Variants in CNTNAP2 observed in about 807,000 individuals in gnomAD.
CNTNAP2 encodes the protein contactin associated protein 2.
Under a neutral mutation model 155.2 loss-of-function variants are expected in CNTNAP2, and 98 were observed. The observed-to-expected ratio is 0.63, with a 90% CI of 0.54 to 0.75. CNTNAP2 has a LOEUF of 0.75. Ranked by LOEUF, CNTNAP2 falls within the 30% of genes least tolerant of loss-of-function variation. CNTNAP2 has a pLI of 0.00. For missense variants in CNTNAP2, 1,727 were observed against 1,688.1 expected, an observed-to-expected ratio of 1.02 and a Z score of -0.40; for synonymous variants, 651 against 631.2, an observed-to-expected ratio of 1.03 and a Z score of -0.47.
intron 3 of CNTNAP2, among the ~76,000 whole-genome samples, chr7:146,929,714 C>G (rs1295380749): frequency 2.0e-5 from 3 of 152,082 alleles, no homozygotes; most frequent in African/African-American, 7.2e-5. Flanking sequence ...AAAAGTATAA[C>G]TAGAATAACC....
chr7:146,753,245 T>C (rs1801936453), intron 1 of CNTNAP2, among the ~76,000 whole-genome samples: 1 of 151,788 alleles, frequency 6.6e-6, no homozygotes, highest in Non-Finnish European at 1.5e-5. Context: ...ATTTATTTTT[T>C]TCAGTCAAAT....
At chr7:147,465,417 A>G (rs1798104019) in intron 10 of CNTNAP2, among the ~76,000 whole-genome samples, 1 of 152,232 alleles carries the variant, frequency 6.6e-6, no homozygotes, top group South Asian at 2.1e-4. Context: ...TTTTATGCGC[A>G]TAAATTGTGT....
At chr7:147,160,548 A>G (rs1300270789) in intron 8 of CNTNAP2, among the ~76,000 whole-genome samples, 2 of 152,146 alleles carry the variant, frequency 1.3e-5, no homozygotes, top group Non-Finnish European at 2.9e-5. Context: ...AAACACTAGC[A>G]GCTTTATTGC....
At chr7:146,989,288 A>G (rs1798168341) in intron 3 of CNTNAP2, among the ~76,000 whole-genome samples, 1 of 152,098 alleles carries the variant, frequency 6.6e-6, no homozygotes, top group Admixed American at 6.6e-5. Context: ...TGACCTCGTT[A>G]GCAGTTTTAA....
chr7:147,625,573 A>G (rs1794955481), intron 12 of CNTNAP2, among the ~76,000 whole-genome samples: 2 of 148,094 alleles, frequency 1.4e-5, no homozygotes, highest in African/African-American at 5.0e-5. Context: ...TTATTTTAAA[A>G]TGTCAATTAC....
chr7:146,702,658 A>G (rs1441172530), intron 1 of CNTNAP2, among the ~76,000 whole-genome samples: 1 of 152,140 alleles, frequency 6.6e-6, no homozygotes, highest in East Asian at 1.9e-4. Flanking sequence ...TGTGCCTAAT[A>G]TACTTTATTA....
chr7:146,396,708 C>CAT (rs57803192), intron 1 of CNTNAP2, among the ~76,000 whole-genome samples: 27,177 of 149,928 alleles, frequency 0.18, 3,850 homozygotes, highest in African/African-American at 0.39. Flanking sequence ...TATTTATATA[C>CAT]ATATATATAT....
intron 15 of CNTNAP2, among the ~76,000 whole-genome samples, chr7:148,026,303 T>A (rs10241081): frequency 0.061 from 9,256 of 151,640 alleles, 635 homozygotes; most frequent in African/African-American, 0.17. Flanking sequence ...AAATTTTTTT[T>A]AAATTAGTGT....
chr7:148,069,469 A>C (rs560852086), intron 15 of CNTNAP2, among the ~76,000 whole-genome samples: 1 of 152,244 alleles, frequency 6.6e-6, no homozygotes, highest in African/African-American at 2.4e-5. Flanking sequence ...AAGCAATCAA[A>C]AAGAAGGGCG....
chr7:148,071,228 G>C (rs865890104), intron 15 of CNTNAP2, among the ~76,000 whole-genome samples: 2 of 152,160 alleles, frequency 1.3e-5, no homozygotes, highest in Non-Finnish European at 2.9e-5. Context: ...TGTAATCCCA[G>C]CACTTTCAGA....
rs373231019 is a variant in CNTNAP2, at chr7:146,165,842, T to C, written c.97+48869T>C. ...GCATCATTTGTGTAATGCATAATGA[T>C]AAAAGATGCATTAGGTCATGATAGT... On this transcript the variant is annotated intron_variant, in intron 1 of 23. Coordinates refer to ENST00000361727, the MANE Select transcript of CNTNAP2 (RefSeq NM_014141.6). 5.9e-5 allele frequency among the ~76,000 whole-genome samples: 9 copies of C among 152,310 alleles called. No homozygotes were observed. The South Asian group carries it at 1.4e-3, about 25-fold the overall frequency.
chr7:148,109,397 T>C (rs1804295330), intron 15 of CNTNAP2, among the ~76,000 whole-genome samples: 1 of 150,966 alleles, frequency 6.6e-6, no homozygotes, highest in Non-Finnish European at 1.5e-5. Context: ...TGTTTTGTTT[T>C]GTTTGAGATG....
intron 1 of CNTNAP2, among the ~76,000 whole-genome samples, chr7:146,757,219 T>G (rs916838459): frequency 6.6e-6 from 1 of 152,150 alleles, no homozygotes; most frequent in Non-Finnish European, 1.5e-5. Context: ...TGAGCAGAGT[T>G]GGCAGCGTGT....
Position 147,093,238 on chromosome 7 carries a change from C to T in CNTNAP2, c.551-14909C>T, listed in dbSNP as rs543006086. On this transcript the variant is annotated intron_variant, in intron 4 of 23. Coordinates refer to ENST00000361727, the MANE Select transcript of CNTNAP2 (RefSeq NM_014141.6). ...CCTGGGCGAAAGAGCGAGACTCCAT[C>T]TCAAAAAAAAAAAAAAAAAAAGAAA... Among the ~76,000 whole-genome samples the T allele has an allele frequency of 1.8e-4, 19 of 108,270 alleles. No individual in the cohort carries two copies. The East Asian group carries it at 4.7e-3, about 27-fold the overall frequency. 71.0% of individuals were successfully genotyped at this position (108,270 alleles called of 152,430 possible).
intron 10 of CNTNAP2, among the ~76,000 whole-genome samples, chr7:147,469,528 TTTTTC>T (rs1254093006): frequency 0.011 from 727 of 68,696 alleles, 56 homozygotes; most frequent in African/African-American, 0.025. Context: ...TTTTTTTTTT[TTTTTC>T]TGTGAGACAA....
intron 13 of CNTNAP2, among the ~76,000 whole-genome samples, chr7:147,859,438 AAAC>A (rs74274763): frequency 1.7e-3 from 227 of 130,158 alleles, no homozygotes; most frequent in South Asian, 3.2e-3. Context: ...AAAAAAAAAA[AAAC>A]ATGTCATATT....
At chr7:146,807,754 C>A (rs1802993663) in intron 2 of CNTNAP2, among the ~76,000 whole-genome samples, 1 of 151,660 alleles carries the variant, frequency 6.6e-6, no homozygotes, top group South Asian at 2.1e-4. Flanking sequence ...CTTTTCAGTC[C>A]TTTTTATCTG....
chr7:146,754,763 G>T (rs1300151251), intron 1 of CNTNAP2, among the ~76,000 whole-genome samples: 1 of 151,662 alleles, frequency 6.6e-6, no homozygotes, highest in East Asian at 1.9e-4. Context: ...TTTCCCTGTA[G>T]TTTTGGATGG....
At chr7:147,344,132 G>A (rs555563371) in intron 9 of CNTNAP2, among the ~76,000 whole-genome samples, 1 of 152,240 alleles carries the variant, frequency 6.6e-6, no homozygotes, top group East Asian at 1.9e-4. Context: ...AAGACTTTGT[G>A]ATTTTAAAGC....
Sources: gnomAD v4.1 joint callset for allele counts (sites outside exome capture counted in the v4.1 genomes callset) on GRCh38, gnomAD v4.1.1 for gene constraint, MANE v1.5 for transcripts, NCBI Gene and HGNC (gene_info 2026-07-23, HGNC 2026-07-21) for gene names.